KCNJ5: variants seen among roughly 807,000 people sequenced by gnomAD.
KCNJ5 encodes the protein G protein-activated inward rectifier potassium channel 4.
KCNJ5 carries 12 observed loss-of-function variants against 20.2 expected under a neutral mutation model. The ratio of observed to expected loss-of-function variants is 0.59; its 90% confidence interval spans 0.38 to 0.96. The LOEUF is 0.96. Ranked by LOEUF, KCNJ5 falls within the 40% of genes least tolerant of loss-of-function variation. The probability of loss-of-function intolerance (pLI) is 0.00; values close to 1 mark genes in which losing one functional copy is unlikely to be tolerated. For missense variants in KCNJ5, 449 were observed against 557.6 expected (o/e 0.81, Z 1.96); for synonymous variants, 210 against 213.9 (o/e 0.98, Z 0.16).
Position 128,918,721 on chromosome 11 carries a change from G to C in KCNJ5, c.*1990G>C, listed in dbSNP as rs1944625916. 6.6e-6 allele frequency: 1 copy of C among 152,382 alleles called. No homozygotes were observed. Among genetic ancestry groups the C allele is most frequent in the Non-Finnish European group, 1.5e-5 (1 of 68,148 alleles). 9.4% of individuals were successfully genotyped at this position (152,382 alleles called of 1,614,324 possible). On this transcript the variant is annotated 3_prime_UTR_variant, in exon 3 of 3. Coordinates refer to ENST00000529694, the MANE Select transcript of KCNJ5 (RefSeq NM_000890.5). Reference sequence around the variant, plus strand: ...GTGTTTTCTAGGCCTGGGGCTGAAAGGAAGAGGGGTGGGGCAGCCTGGGAC... The same window carrying C: ...GTGTTTTCTAGGCCTGGGGCTGAAACGAAGAGGGGTGGGGCAGCCTGGGAC...
rs1220052907 is a variant in KCNJ5 at position 128,917,974 on chromosome 11, G to T, written c.*1243G>T. 1 of 152,300 alleles carries T rather than the reference G, an allele frequency of 6.6e-6. No individual in the cohort carries two copies. Among genetic ancestry groups the T allele is most frequent in the Non-Finnish European group, 1.5e-5 (1 of 68,330 alleles). The allele number at this position is 152,300 out of a possible 1,614,324, so 9.4% of individuals were successfully genotyped here. A position where few individuals can be genotyped will look rare whatever the true frequency, so the allele number is the denominator to read the frequency against. On this transcript the variant is annotated 3_prime_UTR_variant, in exon 3 of 3. Transcript: ENST00000529694. ...GGAAGCTGAGGCAGAAGAATGGCATGAACCTGGGAGGTGGAGGTTGCAGTG... is the reference window on the plus strand; with the variant it reads ...GGAAGCTGAGGCAGAAGAATGGCATTAACCTGGGAGGTGGAGGTTGCAGTG...
rs1395935713 is a variant in KCNJ5, at chr11:128,912,136, A to G, written c.863A>G (p.Glu288Gly). 2 of 1,612,520 alleles carry G rather than the reference A, an allele frequency of 1.2e-6. No homozygotes were observed. Among genetic ancestry groups the G allele is most frequent in the South Asian group, 2.2e-5 (2 of 91,066 alleles). Residue 288 changes from glutamate to glycine, a missense_variant, in exon 2 of 3, where the codon GAG becomes GGG. Coordinates refer to ENST00000529694, the MANE Select transcript of KCNJ5 (RefSeq NM_000890.5). Reference protein sequence around the residue: ...HEINQKSPFWEMSQAQLHQEE... With the variant: ...HEINQKSPFWGMSQAQLHQEE... ...ATCAACCAGAAGAGCCCTTTCTGGGAGATGTCTCAGGCTCAGCTGCATCAG... is the reference window on the plus strand; with the variant it reads ...ATCAACCAGAAGAGCCCTTTCTGGGGGATGTCTCAGGCTCAGCTGCATCAG...
In KCNJ5 at chr11:128,916,829, T is replaced by C. The variant is rs1248983139; in HGVS notation, c.*98T>C. ...GGAGGGGAATAGTTGAGTGTGCTGT[T>C]TGGGGGCTCAGGAGCCATCAAGGCT... On this transcript the variant is annotated 3_prime_UTR_variant, in exon 3 of 3. Transcript: ENST00000529694. 1.7e-5 allele frequency: 16 copies of C among 962,158 alleles called. No individual in the cohort carries two copies. Among genetic ancestry groups the C allele is most frequent in the African/African-American group, 5.0e-5 (3 of 60,600 alleles). The allele number at this position is 962,158 out of a possible 1,614,324, so 59.6% of individuals were successfully genotyped here. A position where few individuals can be genotyped will look rare whatever the true frequency, so the allele number is the denominator to read the frequency against.
chr11:128,896,735 G>T (rs1944183515), intron 1 of KCNJ5, among the ~76,000 whole-genome samples: 1 of 151,898 alleles, frequency 6.6e-6, no homozygotes, highest in Non-Finnish European at 1.5e-5. Flanking sequence ...ATGACATCTG[G>T]GATGTTTTCA....
At chr11:128,904,637 GC>G in intron 1 of KCNJ5, 1 of 717,676 alleles carries the variant, frequency 1.4e-6, no homozygotes, top group Non-Finnish European at 2.6e-6. Context: ...CCGCATTTTA[GC>G]CAGATCCCCA....
At chr11:128,892,719 C>T (rs1944113864) in intron 1 of KCNJ5, among the ~76,000 whole-genome samples, 1 of 152,166 alleles carries the variant, frequency 6.6e-6, no homozygotes, top group Admixed American at 6.5e-5. Flanking sequence ...CAAAATGTGC[C>T]TCGTTTTCAT....
intron 1 of KCNJ5, among the ~76,000 whole-genome samples, chr11:128,895,314 C>T (rs957184753): frequency 4.6e-5 from 7 of 152,060 alleles, no homozygotes; most frequent in Admixed American, 1.3e-4. Context: ...GGGTGCAGTG[C>T]AAGAACCAAG....
chr11:128,903,930 C>G (rs1944342896), intron 1 of KCNJ5, among the ~76,000 whole-genome samples: 1 of 152,124 alleles, frequency 6.6e-6, no homozygotes, highest in South Asian at 2.1e-4. Flanking sequence ...CCATCACACC[C>G]AGAGGGCTCA....
intron 1 of KCNJ5, among the ~76,000 whole-genome samples, chr11:128,906,236 C>T (rs1944413486): frequency 1.3e-5 from 2 of 152,222 alleles, no homozygotes; most frequent in South Asian, 4.1e-4. Flanking sequence ...AGAGAAGTAA[C>T]TTTTCCAAAT....
chr11:128,911,827 G>T lies in KCNJ5; in HGVS notation c.554G>T (p.Cys185Phe), dbSNP rs760375676. The T allele has an allele frequency of 1.6e-5, 26 of 1,614,038 alleles. No homozygotes were observed. Among genetic ancestry groups the T allele is most frequent in the African/African-American group, 2.7e-5 (2 of 74,920 alleles). The change falls in exon 2 of 3, where the codon TGC (cysteine) becomes TTC (phenylalanine). Residue 185 changes from cysteine to phenylalanine, a missense_variant. Transcript: ENST00000529694. The surrounding 1 kb of genome is among the most constrained non-coding windows in gnomAD (Gnocchi z 6.3). ...ATCGTCAATGCCTTCATGGTGGGGT[G>T]CATGTTTGTCAAGATCAGCCAGCCC... ...GSIVNAFMVG[C>F]MFVKISQPKK...
chr11:128,916,226 T>TGGA (rs1944579057), intron 2 of KCNJ5, among the ~76,000 whole-genome samples, 183 bp from the exon 3 acceptor site: 1 of 81,154 alleles, frequency 1.2e-5, no homozygotes, highest in African/African-American at 5.2e-5. Flanking sequence ...GGATGGATGG[T>TGGA]TGGATGGATA....
chr11:128,916,099 TAATTG>T (rs2136003218), intron 2 of KCNJ5, among the ~76,000 whole-genome samples: 1 of 133,370 alleles, frequency 7.5e-6, no homozygotes, highest in South Asian at 3.2e-4. Flanking sequence ...GATGGATAGA[TAATTG>T]GATGGATGGA....
rs541074447 is a variant in KCNJ5 at position 128,902,460 on chromosome 11, C to T, written c.-10-8804C>T. 53 of 1,498,120 alleles carry T rather than the reference C, an allele frequency of 3.5e-5. No homozygotes were observed. In the South Asian group the frequency reaches 5.0e-4, roughly 14 times the overall value. The allele number at this position is 1,498,120 out of a possible 1,614,324, so 92.8% of individuals were successfully genotyped here. A position where few individuals can be genotyped will look rare whatever the true frequency, so the allele number is the denominator to read the frequency against. ...GTGCCAGTTAGGGAGGAGAAGGCAG[C>T]GAGGAACCCCGCACTTTAAGGAACA... On this transcript the variant is annotated intron_variant, in intron 1 of 2. Transcript: ENST00000529694.
chr11:128,898,865 A>G (rs1944217799), intron 1 of KCNJ5, among the ~76,000 whole-genome samples: 1 of 152,140 alleles, frequency 6.6e-6, no homozygotes, highest in Non-Finnish European at 1.5e-5. Context: ...TTTTTAGTAG[A>G]GATGGAGTTT....
intron 1 of KCNJ5, chr11:128,904,557 G>A: frequency 2.7e-6 from 3 of 1,129,508 alleles, no homozygotes; most frequent in Non-Finnish European, 4.1e-6. Flanking sequence ...AGGACCAGCC[G>A]CGTCAACATC....
rs572431150 is a variant in KCNJ5, at chr11:128,902,605, C to T, written c.-10-8659C>T. Reference sequence around the variant, plus strand: ...GCTGATGGGCACTGAGGGGGTAGCCCAGGCGGCCCTCTCTACTATCATGGG... The same window carrying T: ...GCTGATGGGCACTGAGGGGGTAGCCTAGGCGGCCCTCTCTACTATCATGGG... On this transcript the variant is annotated intron_variant, in intron 1 of 2. Transcript: ENST00000529694. 3.1e-6 allele frequency: 5 copies of T among 1,613,346 alleles called. No individual in the cohort carries two copies. The African/African-American group carries it at 5.3e-5, about 17-fold the overall frequency.
At chr11:128,915,550 G>A (rs1044561430) in intron 2 of KCNJ5, among the ~76,000 whole-genome samples, 3 of 152,094 alleles carry the variant, frequency 2.0e-5, no homozygotes, top group Non-Finnish European at 4.4e-5. Context: ...CTGTTTTCAG[G>A]AACGGAGTCC....
Position 128,891,437 on chromosome 11 carries a change from C to CAGAGAGAGAGAGAGAGAG in KCNJ5, c.-294_-293insGAGAGAGAGAGAGAGAGA, listed in dbSNP as rs886047996. On this transcript the variant is annotated 5_prime_UTR_variant, in exon 1 of 3. Coordinates refer to ENST00000529694, the MANE Select transcript of KCNJ5 (RefSeq NM_000890.5). Reference sequence around the variant, plus strand: ...ACACACACACACACACACACACACACACACAGAGAGAGAGAGAGAGAGAGA... The same window carrying CAGAGAGAGAGAGAGAGAG: ...ACACACACACACACACACACACACACAGAGAGAGAGAGAGAGAGACACAGAGAGAGAGAGAGAGAGAGA... The CAGAGAGAGAGAGAGAGAG allele has an allele frequency of 3.1e-4, 23 of 74,390 alleles. No homozygotes were observed. The highest frequency in any genetic ancestry group is 2.5e-3 in the South Asian group (4 of 1,590). The allele number at this position is 74,390 out of a possible 1,614,324, so 4.6% of individuals were successfully genotyped here. A position where few individuals can be genotyped will look rare whatever the true frequency, so the allele number is the denominator to read the frequency against.
At chr11:128,903,749 A>C (rs563558376) in intron 1 of KCNJ5, among the ~76,000 whole-genome samples, 1 of 152,324 alleles carries the variant, frequency 6.6e-6, no homozygotes, top group Admixed American at 6.5e-5. Context: ...ACCGAGGAGC[A>C]GCTGTTAGAT....
Sources: allele counts gnomAD v4.1 joint callset (sites outside exome capture counted in the v4.1 genomes callset), GRCh38; gene constraint gnomAD v4.1.1; non-coding constraint Gnocchi (gnomAD v3.1); transcripts MANE v1.5; gene names NCBI Gene and HGNC (gene_info 2026-07-23, HGNC 2026-07-21).